Variants in PDZD2 observed in about 807,000 individuals in gnomAD.
PDZD2 encodes the protein PDZ domain containing 2, also known as PDZ domain-containing protein 2.
A neutral mutation model predicts 220.7 loss-of-function variants in PDZD2; 90 were observed. The observed-to-expected ratio is 0.41, with a 90% confidence interval of 0.34 to 0.49. PDZD2 has a LOEUF of 0.49. PDZD2 is among the 20% of genes least tolerant of loss of function. PDZD2 has a pLI of 0.28. For synonymous variants in PDZD2, 1,375 were observed against 1,450.5 expected, an observed-to-expected ratio of 0.95 and a Z score of 1.18; for missense variants, 3,174 against 3,608.5, an observed-to-expected ratio of 0.88 and a Z score of 3.08.
rs984854504 is a variant in PDZD2, at chr5:31,709,913, G to A, written c.-361+70476G>A. On this transcript the variant is annotated intron_variant, in intron 1 of 24. Transcript: ENST00000438447. ...AGAGATTGCAGTGAGCCAAGATCAC[G>A]CCACTGCACTTCAGCCTGGGCAACA... Among the ~76,000 whole-genome samples, 12 of 152,264 alleles carry A rather than the reference G, an allele frequency of 7.9e-5. No homozygotes were observed. The East Asian group carries it at 1.4e-3, about 17-fold the overall frequency.
intron 2 of PDZD2, among the ~76,000 whole-genome samples, chr5:31,903,299 A>AT (rs1381731533): frequency 1.3e-5 from 2 of 152,026 alleles, no homozygotes; most frequent in Non-Finnish European, 2.9e-5. Context: ...ATCTCAAAAA[A>AT]AAATAAAATT....
chr5:32,092,091 TGGTG>T (rs1474356457), intron 20 of PDZD2, among the ~76,000 whole-genome samples: 1 of 151,990 alleles, frequency 6.6e-6, no homozygotes, highest in Admixed American at 6.6e-5. Context: ...CTGGCCAACA[TGGTG>T]AAACCCCATC....
At position 32,108,668 on chromosome 5, in the gene PDZD2, G is replaced by C. The variant is rs1183928172; in HGVS notation, c.*533G>C. 2.0e-5 allele frequency: 3 copies of C among 152,582 alleles called. No individual in the cohort carries two copies. The East Asian group carries it at 5.8e-4, about 29-fold the overall frequency. The allele number at this position is 152,582 out of a possible 1,614,324, so 9.5% of individuals were successfully genotyped here. Reference sequence around the variant, plus strand: ...ATATGTTACCCTGAAAAGAGAATAAGACTTACTTAAAAAAATGAATTATGA... The same window carrying C: ...ATATGTTACCCTGAAAAGAGAATAACACTTACTTAAAAAAATGAATTATGA... On this transcript the variant is annotated 3_prime_UTR_variant, in exon 25 of 25. Coordinates refer to ENST00000438447, the MANE Select transcript of PDZD2 (RefSeq NM_178140.4).
chr5:31,819,078 C>T (rs1184298424), intron 2 of PDZD2, among the ~76,000 whole-genome samples: 1 of 152,208 alleles, frequency 6.6e-6, no homozygotes, highest in African/African-American at 2.4e-5. Context: ...TACCCTGAGC[C>T]TCACTCTGTT....
At chr5:32,105,771 C>T (rs968419800) in intron 24 of PDZD2, among the ~76,000 whole-genome samples, 8 of 152,186 alleles carry the variant, frequency 5.3e-5, no homozygotes, top group African/African-American at 1.9e-4. Flanking sequence ...TTTAAAAAAT[C>T]TATGAGTAAA....
At chr5:31,823,103 T>A in intron 2 of PDZD2, 1 of 756,114 alleles carries the variant, frequency 1.3e-6, no homozygotes, top group Non-Finnish European at 2.1e-6. Flanking sequence ...TTTTCTGGAA[T>A]GTTGACAGTC....
chr5:31,755,566 C>T (rs183088053), intron 1 of PDZD2, among the ~76,000 whole-genome samples: 161 of 151,726 alleles, frequency 1.1e-3, no homozygotes, highest in Non-Finnish European at 2.0e-3. Context: ...CATCAGTAAA[C>T]GTTAGCTATC....
intron 2 of PDZD2, among the ~76,000 whole-genome samples, chr5:31,911,479 T>C (rs1025423329): frequency 2.0e-5 from 3 of 152,228 alleles, no homozygotes; most frequent in Admixed American, 6.5e-5. Context: ...AGCCCCTGAC[T>C]TGGAGCACGT....
chr5:32,050,226 C>T (rs940621661), intron 8 of PDZD2, among the ~76,000 whole-genome samples: 7 of 152,156 alleles, frequency 4.6e-5, no homozygotes, highest in African/African-American at 7.2e-5. Context: ...CCACCGTGCC[C>T]GGCCTTGTCA....
chr5:31,684,352 G>T (rs1395383142), intron 1 of PDZD2, among the ~76,000 whole-genome samples: 1 of 151,996 alleles, frequency 6.6e-6, no homozygotes, highest in East Asian at 1.9e-4. Flanking sequence ...GAGTCATCCT[G>T]GATTCCTTTC....
chr5:31,700,249 T>C (rs1307497925), intron 1 of PDZD2, among the ~76,000 whole-genome samples: 7 of 152,012 alleles, frequency 4.6e-5, no homozygotes, highest in African/African-American at 1.7e-4. Context: ...TAATGCCTGA[T>C]TTCGGGGCCA....
intron 2 of PDZD2, among the ~76,000 whole-genome samples, chr5:31,924,700 A>G (rs1393732398): frequency 6.6e-6 from 1 of 152,208 alleles, no homozygotes; most frequent in African/African-American, 2.4e-5. Flanking sequence ...AGCCAATCTC[A>G]TGGACACCAG....
chr5:31,983,211 GC>G lies in PDZD2; in HGVS notation c.534del (p.Phe179LeufsTer88). ...TTTATCTACCTGATCATGCTGCGTC[GC>G]TTTAAGCACAAAGCCCACTCCACTT... ...GGFIYLIMLRRFKHKAHSTYN... is the reference protein window; with the variant it reads ...GGFIYLIMLRXFKHKAHSTYN... On this transcript the variant is annotated frameshift_variant, in exon 3 of 25. Transcript: ENST00000438447. LOFTEE classifies it high-confidence loss of function. 6.2e-7 allele frequency: 1 copy of G among 1,614,074 alleles called. No individual in the cohort carries two copies. Among genetic ancestry groups the G allele is most frequent in the Non-Finnish European group, 8.5e-7 (1 of 1,179,990 alleles).
intron 1 of PDZD2, among the ~76,000 whole-genome samples, chr5:31,709,474 C>A (rs1043884237): frequency 2.8e-5 from 4 of 143,114 alleles, no homozygotes; most frequent in Non-Finnish European, 6.0e-5. Flanking sequence ...CAGACTAAGA[C>A]CCTGTCTCAG....
Position 32,092,911 on chromosome 5 carries a change from G to T in PDZD2, c.7732G>T (p.Asp2578Tyr). The T allele has an allele frequency of 6.6e-7, 1 of 1,515,528 alleles. No individual in the cohort carries two copies. The allele number at this position is 1,515,528 out of a possible 1,614,324, so 93.9% of individuals were successfully genotyped here. A position where few individuals can be genotyped will look rare whatever the true frequency, so the allele number is the denominator to read the frequency against. The change falls in exon 21 of 25, where the codon GAT becomes TAT. Residue 2578 changes from aspartate to tyrosine, a missense_variant. Asp to Tyr is a radical substitution (Grantham distance 160, BLOSUM62 -3). This residue lies in a region of PDZD2 where 631 missense variants were observed against 789.9 expected (regional missense o/e 0.80). Coordinates refer to ENST00000438447, the MANE Select transcript of PDZD2 (RefSeq NM_178140.4). ...AAATATATTTATATTATTTAGTTTG[G>T]ATCAACTTCTAGTCTCAGCGGGGGA... ...PFRRSWSVNL[D>Y]QLLVSAGDQQ...
In PDZD2 at chr5:32,003,383, A is replaced by T. The variant is rs368544799; in HGVS notation, c.1254+3112A>T. Among the ~76,000 whole-genome samples the T allele has an allele frequency of 1.9e-3, 44 of 22,910 alleles. 1 individual carries two copies. In the East Asian group the frequency reaches 0.023, roughly 12 times the overall value. The allele number at this position is 22,910 out of a possible 152,430, so 15.0% of individuals were successfully genotyped here. On this transcript the variant is annotated intron_variant, in intron 5 of 24. Coordinates refer to ENST00000438447, the MANE Select transcript of PDZD2 (RefSeq NM_178140.4). ...CACACCACACACACACCACACACACACCCACACACACCACACACACACTCC... is the reference window on the plus strand; with the variant it reads ...CACACCACACACACACCACACACACTCCCACACACACCACACACACACTCC...
At chr5:31,889,053 T>C (rs1156298928) in intron 2 of PDZD2, among the ~76,000 whole-genome samples, 1 of 152,186 alleles carries the variant, frequency 6.6e-6, no homozygotes, top group Admixed American at 6.6e-5. Flanking sequence ...CGGGTTGTTC[T>C]GTTGTTTGTC....
At chr5:31,789,469 C>T (rs952279741) in intron 1 of PDZD2, among the ~76,000 whole-genome samples, 2 of 152,202 alleles carry the variant, frequency 1.3e-5, no homozygotes, top group African/African-American at 4.8e-5. Context: ...AAGGCATAGG[C>T]CAAGGGAGGT....
intron 1 of PDZD2, among the ~76,000 whole-genome samples, chr5:31,767,027 C>CT (rs3032828): frequency 0.018 from 1,685 of 94,276 alleles, 34 homozygotes; most frequent in Admixed American, 0.025. Flanking sequence ...TGCACCCAGC[C>CT]TTTTTTTTTT....
Sources: allele counts gnomAD v4.1 joint callset (sites outside exome capture counted in the v4.1 genomes callset), GRCh38; gene constraint gnomAD v4.1.1; regional missense constraint gnomAD v4.1.1; transcripts MANE v1.5; gene names NCBI Gene and HGNC (gene_info 2026-07-23, HGNC 2026-07-21).